Variants in CACHD1 observed in about 807,000 individuals in gnomAD.
The protein encoded by CACHD1 is VWFA and cache domain-containing protein 1.
In CACHD1, 71 loss-of-function variants were observed where a neutral mutation model predicts 138.7. The ratio of observed to expected loss-of-function variants is 0.51; its 90% CI spans 0.42 to 0.62. The LOEUF is 0.62. Among genes scored for constraint, CACHD1 ranks in the 20% least tolerant of loss-of-function variants. The pLI is 0.00. For synonymous variants in CACHD1, 578 were observed against 591.5 expected (o/e 0.98, Z 0.33); for missense variants, 1,389 against 1,625.3 (o/e 0.85, Z 2.50).
At chr1:64,549,022 G>T (rs998175820) in intron 1 of CACHD1, among the ~76,000 whole-genome samples, 1 of 152,024 alleles carries the variant, frequency 6.6e-6, no homozygotes, top group Non-Finnish European at 1.5e-5. Flanking sequence ...AGTGATTTGG[G>T]GGTATGTTAT....
intron 2 of CACHD1, chr1:64,580,005 G>A (rs537409046): frequency 6.6e-6 from 1 of 152,214 alleles, no homozygotes; most frequent in South Asian, 2.1e-4. Flanking sequence ...TTCAAGCTGG[G>A]CCTATTGCTC....
intron 1 of CACHD1, among the ~76,000 whole-genome samples, chr1:64,478,073 C>T (rs1316718957): frequency 6.6e-6 from 1 of 152,114 alleles, no homozygotes; most frequent in African/African-American, 2.4e-5. Flanking sequence ...ATAAAATTTA[C>T]AATTCACAAA....
rs72673386 is a variant in CACHD1, at chr1:64,675,874, G to A, written c.2889-23G>A. On this transcript the variant is annotated intron_variant, in intron 20 of 26. Coordinates refer to ENST00000651257, the MANE Select transcript of CACHD1 (RefSeq NM_020925.4). ...CAGTTTGCCATTGACCTTCTGCATAGTAACTTTCTTTTTGCTTTTCAGAAT... is the reference window on the plus strand; with the variant it reads ...CAGTTTGCCATTGACCTTCTGCATAATAACTTTCTTTTTGCTTTTCAGAAT... The A allele has an allele frequency of 1.9e-3, 2,809 of 1,481,360 alleles. 6 individuals carry two copies. Among genetic ancestry groups the A allele is most frequent in the Non-Finnish European group, 2.4e-3 (2,605 of 1,097,474 alleles). 91.8% of individuals were successfully genotyped at this position (1,481,360 alleles called of 1,614,324 possible).
intron 2 of CACHD1, among the ~76,000 whole-genome samples, chr1:64,574,304 G>T (rs1364906027): frequency 6.6e-6 from 1 of 152,146 alleles, no homozygotes; most frequent in Non-Finnish European, 1.5e-5. Context: ...CTAGCTCCCA[G>T]GGTTGTTATA....
intron 11 of CACHD1, among the ~76,000 whole-genome samples, chr1:64,654,205 G>A (rs1405869208): frequency 6.6e-6 from 1 of 152,014 alleles, no homozygotes; most frequent in Non-Finnish European, 1.5e-5. Context: ...GAAAAATGTT[G>A]GCAAAATAAA....
At chr1:64,538,338 C>T (rs1646651006) in intron 1 of CACHD1, among the ~76,000 whole-genome samples, 1 of 152,146 alleles carries the variant, frequency 6.6e-6, no homozygotes, top group South Asian at 2.1e-4. Flanking sequence ...GTACTCCCCC[C>T]TGCAGCAGTT....
intron 3 of CACHD1, among the ~76,000 whole-genome samples, chr1:64,593,036 G>A (rs779549038): frequency 9.9e-5 from 15 of 152,150 alleles, no homozygotes; most frequent in Non-Finnish European, 1.8e-4. Context: ...ATTAACTAAA[G>A]GGTGAAAAGA....
At chr1:64,541,628 C>T (rs1646677802) in intron 1 of CACHD1, among the ~76,000 whole-genome samples, 1 of 151,936 alleles carries the variant, frequency 6.6e-6, no homozygotes, top group African/African-American at 2.4e-5. Flanking sequence ...GACAACATAG[C>T]GACACCCTGT....
chr1:64,530,840 C>T (rs1344430792), intron 1 of CACHD1, among the ~76,000 whole-genome samples: 1 of 149,876 alleles, frequency 6.7e-6, no homozygotes, highest in African/African-American at 2.5e-5. Flanking sequence ...CACTGCACTC[C>T]AGCCTGGGCA....
intron 4 of CACHD1, among the ~76,000 whole-genome samples, chr1:64,625,523 C>T (rs184715128): frequency 0.013 from 1,899 of 151,528 alleles, 38 homozygotes; most frequent in African/African-American, 0.044. Flanking sequence ...GCTACTTGGG[C>T]GGCTGAGGCA....
chr1:64,611,123 G>T (rs942864800), intron 4 of CACHD1, among the ~76,000 whole-genome samples: 2 of 152,190 alleles, frequency 1.3e-5, no homozygotes, highest in Non-Finnish European at 2.9e-5. Flanking sequence ...ACATCCTGAG[G>T]CAGCACAGAC....
chr1:64,686,232 G>T (rs1423390845), intron 26 of CACHD1, among the ~76,000 whole-genome samples: 1 of 152,106 alleles, frequency 6.6e-6, no homozygotes, highest in East Asian at 1.9e-4. Flanking sequence ...TACACAAAAG[G>T]AAACTCAAAA....
intron 4 of CACHD1, among the ~76,000 whole-genome samples, chr1:64,612,950 A>G (rs1343491872): frequency 6.6e-6 from 1 of 152,236 alleles, no homozygotes; most frequent in African/African-American, 2.4e-5. Flanking sequence ...CACCTTCTGG[A>G]AATGATTCAC....
At chr1:64,498,162 G>A (rs1646316059) in intron 1 of CACHD1, among the ~76,000 whole-genome samples, 1 of 151,926 alleles carries the variant, frequency 6.6e-6, no homozygotes, top group African/African-American at 2.4e-5. Context: ...TATCCTCATG[G>A]AGCTAACAGA....
At chr1:64,491,730 C>A (rs548985462) in intron 1 of CACHD1, among the ~76,000 whole-genome samples, 1 of 152,274 alleles carries the variant, frequency 6.6e-6, no homozygotes, top group South Asian at 2.1e-4. Context: ...GATCCTCCTG[C>A]CTCAGCCTCC....
intron 22 of CACHD1, among the ~76,000 whole-genome samples, 159 bp downstream of exon 22, chr1:64,677,170 C>T (rs1312111654): frequency 6.6e-6 from 1 of 152,100 alleles, no homozygotes; most frequent in Admixed American, 6.5e-5. Context: ...ACTTATTACC[C>T]GTATTTAGCG....
chr1:64,586,087 A>G (rs911165864), intron 3 of CACHD1, among the ~76,000 whole-genome samples: 1 of 152,134 alleles, frequency 6.6e-6, no homozygotes. Flanking sequence ...TTTTGGAGAT[A>G]GAGTCTCACT....
chr1:64,676,006 T>G, intron 21 of CACHD1, 23 bp downstream of exon 21: 1 of 278,620 alleles, frequency 3.6e-6, no homozygotes, highest in Non-Finnish European at 4.6e-6. Context: ...ATAATAATAA[T>G]AATAATAATA....
At chr1:64,678,129 A>G (rs1468920955) in intron 22 of CACHD1, 30 bp from the exon 23 acceptor site, 25 of 1,605,798 alleles carry the variant, frequency 1.6e-5, no homozygotes, top group Non-Finnish European at 2.0e-5. Context: ...ACACTGCTTT[A>G]TAGAAGACTA....
Sources: allele counts gnomAD v4.1 joint callset (sites outside exome capture counted in the v4.1 genomes callset), GRCh38; gene constraint gnomAD v4.1.1; transcripts MANE v1.5; gene names NCBI Gene and HGNC (gene_info 2026-07-23, HGNC 2026-07-21).